BRINP3: variants seen among roughly 807,000 people sequenced by gnomAD.
BRINP3 encodes the protein BMP/retinoic acid-inducible neural-specific protein 3.
Under a neutral mutation model 71.0 loss-of-function variants are expected in BRINP3, and 19 were observed. The ratio of observed to expected loss-of-function variants is 0.27; its 90% CI spans 0.19 to 0.39. The LOEUF (loss-of-function observed/expected upper bound fraction) is 0.39, where lower values mean the gene tolerates loss of function less well. Among genes scored for constraint, BRINP3 ranks in the 10% least tolerant of loss-of-function variants. BRINP3 has a pLI of 1.00. For missense variants in BRINP3, 959 were observed against 940.8 expected, an observed-to-expected ratio of 1.02 and a Z score of -0.25; for synonymous variants, 380 against 337.7, an observed-to-expected ratio of 1.13 and a Z score of -1.37.
intron 6 of BRINP3, among the ~76,000 whole-genome samples, chr1:190,169,175 A>T (rs1253259030): frequency 2.6e-5 from 4 of 152,296 alleles, no homozygotes; most frequent in African/African-American, 9.6e-5. Context: ...CTGAAAATAA[A>T]CGTTATTTAT....
chr1:190,174,435 T>G (rs953028837), intron 6 of BRINP3, among the ~76,000 whole-genome samples: 2 of 152,124 alleles, frequency 1.3e-5, no homozygotes, highest in African/African-American at 4.8e-5. Flanking sequence ...CATATACATG[T>G]ACACACATAC....
rs74130736 is a variant in BRINP3 at position 190,399,786 on chromosome 1, C to T, written c.236+54869G>A. Among the ~76,000 whole-genome samples, 643 of 152,064 alleles carry T rather than the reference C, an allele frequency of 4.2e-3. 7 individuals carry two copies. The highest frequency in any genetic ancestry group is 0.014 in the African/African-American group (598 of 41,476). ...GTCTATTACAATTTCTGAGATAAGACACATAAGCCATAATTAGGATCATTC... is the reference window on the plus strand; with the variant it reads ...GTCTATTACAATTTCTGAGATAAGATACATAAGCCATAATTAGGATCATTC... On this transcript the variant is annotated intron_variant, in intron 2 of 7. Transcript: ENST00000367462.
intron 7 of BRINP3, among the ~76,000 whole-genome samples, chr1:190,145,213 C>T (rs1221763673): frequency 6.6e-6 from 1 of 152,076 alleles, no homozygotes; most frequent in East Asian, 1.9e-4. Flanking sequence ...CTGTGTCATA[C>T]ATGACATTAA....
At chr1:190,315,507 C>T (rs905482690) in intron 2 of BRINP3, among the ~76,000 whole-genome samples, 1 of 152,124 alleles carries the variant, frequency 6.6e-6, no homozygotes, top group African/African-American at 2.4e-5. Context: ...CATGCCCTAC[C>T]CATAAATTCG....
intron 2 of BRINP3, among the ~76,000 whole-genome samples, chr1:190,353,193 G>A (rs1668510588): frequency 1.3e-5 from 2 of 151,972 alleles, no homozygotes; most frequent in South Asian, 4.2e-4. Context: ...GCTTGTCAGG[G>A]TAGGAAAAAC....
intron 7 of BRINP3, among the ~76,000 whole-genome samples, chr1:190,148,220 T>C (rs1303093086): frequency 6.6e-6 from 1 of 152,030 alleles, no homozygotes; most frequent in African/African-American, 2.4e-5. Flanking sequence ...CTCAATGAAA[T>C]ATCAGTCTTC....
intron 6 of BRINP3, among the ~76,000 whole-genome samples, chr1:190,209,707 A>G (rs1025329456): frequency 3.3e-5 from 5 of 152,146 alleles, no homozygotes; most frequent in Admixed American, 6.6e-5. Flanking sequence ...AATATTTCAC[A>G]TAATATATCT....
intron 7 of BRINP3, among the ~76,000 whole-genome samples, chr1:190,114,468 T>G (rs763030562): frequency 6.6e-6 from 1 of 152,050 alleles, no homozygotes; most frequent in Admixed American, 6.6e-5. Context: ...AGTAGTATTA[T>G]CCAAAGGAAA....
intron 6 of BRINP3, among the ~76,000 whole-genome samples, chr1:190,178,643 G>A (rs915830369): frequency 2.6e-5 from 4 of 152,096 alleles, no homozygotes; most frequent in African/African-American, 9.7e-5. Flanking sequence ...ATACATGACT[G>A]TTTTGCCAGC....
At chr1:190,230,754 T>G (rs1657895190) in intron 5 of BRINP3, among the ~76,000 whole-genome samples, 1 of 151,572 alleles carries the variant, frequency 6.6e-6, no homozygotes, top group African/African-American at 2.4e-5. Flanking sequence ...AAAGAATTGT[T>G]CCTGAAATAA....
At chr1:190,323,495 G>A (rs1666380699) in intron 2 of BRINP3, among the ~76,000 whole-genome samples, 1 of 151,528 alleles carries the variant, frequency 6.6e-6, no homozygotes. Flanking sequence ...GAGGAATGAA[G>A]TGCATTGTAC....
At chr1:190,290,408 G>A (rs188261502) in intron 2 of BRINP3, among the ~76,000 whole-genome samples, 1 of 152,196 alleles carries the variant, frequency 6.6e-6, no homozygotes, top group Admixed American at 6.5e-5. Context: ...TCTAATCTAT[G>A]CCAGCCATAA....
chr1:190,254,840 T>A (rs1179739627), intron 4 of BRINP3, among the ~76,000 whole-genome samples: 2 of 152,222 alleles, frequency 1.3e-5, no homozygotes, highest in African/African-American at 4.8e-5. Context: ...AGGGCATCTC[T>A]GTCTTGTGCC....
chr1:190,420,942 T>G (rs1673338217), intron 2 of BRINP3, among the ~76,000 whole-genome samples: 1 of 151,828 alleles, frequency 6.6e-6, no homozygotes, highest in Admixed American at 6.6e-5. Flanking sequence ...GCTTGTTGGG[T>G]GAAAACTCTT....
chr1:190,451,908 C>G (rs1675632303), intron 2 of BRINP3, among the ~76,000 whole-genome samples: 1 of 152,024 alleles, frequency 6.6e-6, no homozygotes, highest in Admixed American at 6.6e-5. Flanking sequence ...TAGATTTGAC[C>G]TAATTATATT....
At chr1:190,165,715 A>T (rs1651472905) in intron 6 of BRINP3, among the ~76,000 whole-genome samples, 1 of 151,732 alleles carries the variant, frequency 6.6e-6, no homozygotes, top group East Asian at 1.9e-4. Flanking sequence ...CTAGCAAATA[A>T]GTTAATCAAA....
intron 7 of BRINP3, among the ~76,000 whole-genome samples, chr1:190,120,586 C>G (rs1209789005): frequency 6.6e-6 from 1 of 151,994 alleles, no homozygotes; most frequent in African/African-American, 2.4e-5. Context: ...ACCTCCGCCT[C>G]CCGGGTTCAA....
intron 2 of BRINP3, among the ~76,000 whole-genome samples, chr1:190,352,636 ATATT>A (rs1208106440): frequency 5.3e-5 from 8 of 152,042 alleles, no homozygotes; most frequent in South Asian, 2.1e-4. Flanking sequence ...ATGCTAAAAC[ATATT>A]TATATGAAAC....
chr1:190,177,150 C>CTTTTTTTT (rs1030190199), intron 6 of BRINP3, among the ~76,000 whole-genome samples: 3 of 63,216 alleles, frequency 4.7e-5, no homozygotes, highest in African/African-American at 1.5e-4. Context: ...GCACCCACTT[C>CTTTTTTTT]TTTTTTTTTT....
Sources: gnomAD v4.1 joint callset for allele counts (sites outside exome capture counted in the v4.1 genomes callset) on GRCh38, gnomAD v4.1.1 for gene constraint, MANE v1.5 for transcripts, NCBI Gene and HGNC (gene_info 2026-07-23, HGNC 2026-07-21) for gene names.